Variants in OPCML observed in about 807,000 individuals in gnomAD.
OPCML encodes the protein opioid-binding protein/cell adhesion molecule.
In OPCML, 13 loss-of-function variants were observed where a neutral mutation model predicts 37.8. The ratio of observed to expected loss-of-function variants is 0.34; its 90% CI spans 0.22 to 0.55. The LOEUF is 0.55. OPCML is among the 20% of genes least tolerant of loss of function. The pLI, the probability that OPCML is intolerant of heterozygous loss-of-function variation, is 0.91. For synonymous variants in OPCML, 176 were observed against 168.8 expected (o/e 1.04, Z -0.33); for missense variants, 341 against 435.6 (o/e 0.78, Z 1.93).
chr11:133,435,769 T>C (rs1017489508), intron 1 of OPCML, among the ~76,000 whole-genome samples: 7 of 152,236 alleles, frequency 4.6e-5, no homozygotes, highest in Admixed American at 3.3e-4. Context: ...TGACTTTGTT[T>C]GCAAAACTCA....
chr11:132,683,880 A>T (rs1432403714), intron 2 of OPCML, among the ~76,000 whole-genome samples: 2 of 152,172 alleles, frequency 1.3e-5, no homozygotes, highest in South Asian at 4.1e-4. Context: ...GCATTGCATC[A>T]TATCAAAGCT....
chr11:133,512,677 A>G (rs1565676561), intron 1 of OPCML, among the ~76,000 whole-genome samples: 1 of 152,190 alleles, frequency 6.6e-6, no homozygotes, highest in Non-Finnish European at 1.5e-5. Flanking sequence ...CCTACCAAAG[A>G]GTTGCCTCAT....
At chr11:133,213,987 A>G (rs1203289768) in intron 1 of OPCML, among the ~76,000 whole-genome samples, 1 of 152,168 alleles carries the variant, frequency 6.6e-6, no homozygotes, top group Non-Finnish European at 1.5e-5. Flanking sequence ...CAGATGTATG[A>G]TGAAAATGGT....
chr11:133,081,372 C>G (rs1346785263), intron 1 of OPCML, among the ~76,000 whole-genome samples: 1 of 152,140 alleles, frequency 6.6e-6, no homozygotes, highest in Non-Finnish European at 1.5e-5. Context: ...TCACAGATTC[C>G]GCAACTTAGG....
In OPCML at chr11:133,532,460, G is replaced by C; in HGVS notation, c.-136C>G. 9.5e-7 allele frequency: 1 copy of C among 1,053,978 alleles called. No homozygotes were observed. Among genetic ancestry groups the C allele is most frequent in the Non-Finnish European group, 1.4e-6 (1 of 708,998 alleles). The allele number at this position is 1,053,978 out of a possible 1,614,324, so 65.3% of individuals were successfully genotyped here. A position where few individuals can be genotyped will look rare whatever the true frequency, so the allele number is the denominator to read the frequency against. On this transcript the variant is annotated 5_prime_UTR_variant, in exon 1 of 8. Transcript: ENST00000524381. ...AAAGGGAGGGAGAGAGCAGAAGAGA[G>C]AGAGAGCGCGCGAGAGATGGGAGCA...
At chr11:133,240,697 C>A (rs776990002) in intron 1 of OPCML, among the ~76,000 whole-genome samples, 1 of 152,170 alleles carries the variant, frequency 6.6e-6, no homozygotes, top group Non-Finnish European at 1.5e-5. Flanking sequence ...TCTAGCTAAA[C>A]CCTGCCTATA....
At chr11:132,484,486 C>T (rs1178316901) in intron 4 of OPCML, among the ~76,000 whole-genome samples, 6 of 152,208 alleles carry the variant, frequency 3.9e-5, no homozygotes, top group Non-Finnish European at 1.5e-5. Flanking sequence ...TAAACTAGTT[C>T]AACCACTGTG....
intron 4 of OPCML, among the ~76,000 whole-genome samples, chr11:132,450,969 A>T (rs2096067033): frequency 6.6e-6 from 1 of 152,030 alleles, no homozygotes; most frequent in Non-Finnish European, 1.5e-5. Context: ...CCATTGACTC[A>T]ATGTGTGTGT....
chr11:133,446,972 T>A (rs1282924354), intron 1 of OPCML, among the ~76,000 whole-genome samples: 1 of 152,242 alleles, frequency 6.6e-6, no homozygotes, highest in African/African-American at 2.4e-5. Context: ...TTATTTTGTA[T>A]GAGTAATTTT....
chr11:133,066,646 C>A (rs1457356680), intron 1 of OPCML: 3 of 152,898 alleles, frequency 2.0e-5, no homozygotes, highest in African/African-American at 2.4e-5. Flanking sequence ...TCTCCCATGT[C>A]CCTGCGAAGT....
At chr11:133,358,402 C>T (rs1944339233) in intron 1 of OPCML, among the ~76,000 whole-genome samples, 1 of 152,192 alleles carries the variant, frequency 6.6e-6, no homozygotes, top group Non-Finnish European at 1.5e-5. Flanking sequence ...ATGATCTTCA[C>T]CCCAACTATT....
intron 1 of OPCML, among the ~76,000 whole-genome samples, chr11:133,060,287 T>C (rs1379608184): frequency 6.6e-6 from 1 of 150,766 alleles, no homozygotes; most frequent in African/African-American, 2.4e-5. Context: ...TATTTACTAC[T>C]GGTGTAAAGA....
At chr11:133,222,505 C>T (rs1043109815) in intron 1 of OPCML, among the ~76,000 whole-genome samples, 1 of 152,112 alleles carries the variant, frequency 6.6e-6, no homozygotes, top group African/African-American at 2.4e-5. Context: ...ACCACATCCA[C>T]TCTAGGGACA....
chr11:132,480,778 A>C (rs1483873326), intron 4 of OPCML, among the ~76,000 whole-genome samples: 1 of 152,156 alleles, frequency 6.6e-6, no homozygotes, highest in African/African-American at 2.4e-5. Flanking sequence ...TAAGCTTCAT[A>C]AGTGAAGGAC....
At chr11:133,286,696 A>G (rs1942309594) in intron 1 of OPCML, among the ~76,000 whole-genome samples, 1 of 152,162 alleles carries the variant, frequency 6.6e-6, no homozygotes, top group South Asian at 2.1e-4. Flanking sequence ...ATCTACCTGC[A>G]CTAACCTCAA....
intron 1 of OPCML, among the ~76,000 whole-genome samples, chr11:133,248,589 G>T (rs936160074): frequency 6.6e-6 from 1 of 152,236 alleles, no homozygotes; most frequent in Non-Finnish European, 1.5e-5. Context: ...TGATGTAGAA[G>T]AGGCTATGAT....
At chr11:133,076,440 T>C (rs992899303) in intron 1 of OPCML, among the ~76,000 whole-genome samples, 1 of 152,120 alleles carries the variant, frequency 6.6e-6, no homozygotes, top group African/African-American at 2.4e-5. Context: ...AAGAAAAATG[T>C]CCCTGCATAT....
At chr11:133,163,042 G>A (rs950756809) in intron 1 of OPCML, among the ~76,000 whole-genome samples, 5 of 152,204 alleles carry the variant, frequency 3.3e-5, no homozygotes, top group African/African-American at 1.2e-4. Flanking sequence ...AACATAGGTA[G>A]TGTGTCTGAA....
intron 1 of OPCML, among the ~76,000 whole-genome samples, chr11:133,328,593 A>C (rs1565574957): frequency 6.6e-6 from 1 of 152,218 alleles, no homozygotes; most frequent in Non-Finnish European, 1.5e-5. Context: ...TGGGCACTTT[A>C]CTAAATATTG....
Sources: allele counts gnomAD v4.1 joint callset (sites outside exome capture counted in the v4.1 genomes callset), GRCh38; gene constraint gnomAD v4.1.1; transcripts MANE v1.5; gene names NCBI Gene and HGNC (gene_info 2026-07-23, HGNC 2026-07-21).